Variants in IFNLR1 observed in about 807,000 individuals in gnomAD.
IFNLR1 encodes the protein interferon lambda receptor 1, also known as CRF2-12.
IFNLR1 carries 28 observed loss-of-function variants against 52.5 expected under a neutral mutation model. The observed-to-expected ratio is 0.53, with a 90% CI of 0.40 to 0.73. IFNLR1 has a LOEUF of 0.73. IFNLR1 is among the 30% of genes least tolerant of loss of function. The pLI, the probability that IFNLR1 is intolerant of heterozygous loss-of-function variation, is 0.00. For missense variants in IFNLR1, 623 were observed against 659.1 expected (o/e 0.95, Z 0.60); for synonymous variants, 276 against 274.9 (o/e 1.00, Z -0.04).
Position 24,155,085 on chromosome 1 carries a change from G to GC in IFNLR1, c.*2044dup, listed in dbSNP as rs1644365557. 1.3e-5 allele frequency: 2 copies of GC among 152,272 alleles called. No homozygotes were observed. The highest frequency in any genetic ancestry group is 4.2e-4 in the South Asian group (2 of 4,814). 9.4% of individuals were successfully genotyped at this position (152,272 alleles called of 1,614,324 possible). A position where few individuals can be genotyped will look rare whatever the true frequency, so the allele number is the denominator to read the frequency against. ...GGTCTGGGAATTTCCCTGGGAGCTG[G>GC]CCCCAAGCCACAGCCCTCCCCAGCT... On this transcript the variant is annotated 3_prime_UTR_variant, in exon 7 of 7. Transcript: ENST00000327535.
At chr1:24,164,845 C>T (rs1312222670) in intron 3 of IFNLR1, among the ~76,000 whole-genome samples, 1 of 151,752 alleles carries the variant, frequency 6.6e-6, no homozygotes, top group Non-Finnish European at 1.5e-5. Flanking sequence ...TCACTGCAAC[C>T]TCCGCCTCTT....
At chr1:24,173,629 T>C (rs1024663991) in intron 2 of IFNLR1, among the ~76,000 whole-genome samples, 1 of 139,394 alleles carries the variant, frequency 7.2e-6, no homozygotes, top group Non-Finnish European at 1.5e-5. Context: ...CCTCCCTCTC[T>C]TTCTTCTTTC....
chr1:24,157,133 C>T lies in IFNLR1; in HGVS notation c.1560G>A (p.Arg520=), dbSNP rs2148583771. ...RGRTLGHYMA[R] Reference sequence around the variant, plus strand: ...CGGTGGGATGTCGGGGGACAGCTCACCTGGCCATGTAATGCCCCAATGTCC... The same window carrying T: ...CGGTGGGATGTCGGGGGACAGCTCATCTGGCCATGTAATGCCCCAATGTCC... The change falls in exon 7 of 7, where the codon AGG becomes AGA. Residue 520 remains arginine, a synonymous_variant. Coordinates refer to ENST00000327535, the MANE Select transcript of IFNLR1 (RefSeq NM_170743.4). The surrounding 1 kb of genome is among the most constrained non-coding windows in gnomAD (Gnocchi z 5.1). The T allele has an allele frequency of 1.2e-6, 2 of 1,606,612 alleles. No homozygotes were observed. The highest frequency in any genetic ancestry group is 1.1e-5 in the South Asian group (1 of 89,720).
At position 24,187,222 on chromosome 1, in the gene IFNLR1, G is replaced by C; in HGVS notation, c.27C>G (p.Pro9=). ...CGGCCTGCAGCAGGCACAGGAGCAG[G>C]GGGCCCCAGCGCTCGGGCCCCGCCA... The part of the protein sequence containing the change: MAGPERWG[P]LLLCLLQAAP... Residue 9 remains proline, a synonymous_variant, in exon 1 of 7, where the codon CCC becomes CCG. Transcript: ENST00000327535. 2 of 1,295,564 alleles carry C rather than the reference G, an allele frequency of 1.5e-6. No homozygotes were observed. Among genetic ancestry groups the C allele is most frequent in the Non-Finnish European group, 2.0e-6 (2 of 1,021,456 alleles). The allele number at this position is 1,295,564 out of a possible 1,614,324, so 80.3% of individuals were successfully genotyped here.
intron 1 of IFNLR1, among the ~76,000 whole-genome samples, chr1:24,183,078 GT>G (rs1644707627): frequency 6.6e-6 from 1 of 152,132 alleles, no homozygotes; most frequent in South Asian, 2.1e-4. Context: ...TAGAGTATGT[GT>G]TATTTTGTTT....
In IFNLR1 at chr1:24,161,447, A is replaced by C. The variant is rs762410695; in HGVS notation, c.510+95T>G. On this transcript the variant is annotated intron_variant, in intron 4 of 6. Transcript: ENST00000327535. The stretch of plus-strand genomic sequence containing the variant: ...GTGTACAGGGAAGACTTCCTGGAGG[A>C]GGGGTGCAGGAGCAGGCTGGGAGGG... 1.7e-5 allele frequency: 24 copies of C among 1,384,246 alleles called. No individual in the cohort carries two copies. The African/African-American group carries it at 3.4e-4, about 20-fold the overall frequency. The allele number at this position is 1,384,246 out of a possible 1,614,324, so 85.7% of individuals were successfully genotyped here.
At chr1:24,158,605 C>G (rs1644406981) in intron 6 of IFNLR1, among the ~76,000 whole-genome samples, 1 of 152,196 alleles carries the variant, frequency 6.6e-6, no homozygotes, top group Non-Finnish European at 1.5e-5. Context: ...CCAGCTCGCC[C>G]CTAGGTTCTA....
rs764742091 is a variant in IFNLR1 at position 24,157,158 on chromosome 1, C to T, written c.1535G>A (p.Arg512Gln). The change falls in exon 7 of 7, where the codon CGG becomes CAG. Residue 512 changes from arginine (R) to glutamine (Q), a missense_variant. By Grantham distance (43) the Arg-to-Gln change is conservative (BLOSUM62 1). Coordinates refer to ENST00000327535, the MANE Select transcript of IFNLR1 (RefSeq NM_170743.4). The surrounding 1 kb of genome is among the most constrained non-coding windows in gnomAD (Gnocchi z 5.1). ...CCTGGCCATGTAATGCCCCAATGTC[C>T]GGCCCCTGTCCTCGGTCCTCTGGGT... ...ESTQRTEDRG[R>Q]TLGHYMAR The T allele has an allele frequency of 3.5e-5, 56 of 1,613,046 alleles. No individual in the cohort carries two copies. The Admixed American group carries it at 4.3e-4, about 12-fold the overall frequency.
Position 24,169,408 on chromosome 1 carries a change from C to T in IFNLR1, c.367+9G>A. The T allele has an allele frequency of 6.2e-7, 1 of 1,611,912 alleles. No individual in the cohort carries two copies. Among genetic ancestry groups the T allele is most frequent in the Non-Finnish European group, 8.5e-7 (1 of 1,178,624 alleles). On this transcript the variant is annotated intron_variant, in intron 3 of 6. Coordinates refer to ENST00000327535, the MANE Select transcript of IFNLR1 (RefSeq NM_170743.4). ...AGCCTTCCACTCAGTCCCTTACCCA[C>T]AGACCTACCTTCAAAAAGGTAATCC... is the stretch of plus-strand genomic sequence containing the variant.
chr1:24,183,449 A>T (rs1014248581), intron 1 of IFNLR1, among the ~76,000 whole-genome samples: 11 of 152,270 alleles, frequency 7.2e-5, no homozygotes, highest in South Asian at 2.1e-4. Flanking sequence ...TAAATTTTTT[A>T]AAAAATTAGC....
intron 1 of IFNLR1, among the ~76,000 whole-genome samples, chr1:24,185,323 T>C (rs1477980733): frequency 6.6e-6 from 1 of 152,198 alleles, no homozygotes; most frequent in Non-Finnish European, 1.5e-5. Flanking sequence ...TTCCAACTAT[T>C]CCATCTATTG....
chr1:24,164,129 T>G (rs759719990), intron 3 of IFNLR1, among the ~76,000 whole-genome samples: 42 of 152,192 alleles, frequency 2.8e-4, no homozygotes, highest in Non-Finnish European at 5.1e-4. Flanking sequence ...GCAGACAATC[T>G]GGCTCAAGCA....
chr1:24,162,706 C>CT (rs1228712009), intron 3 of IFNLR1, among the ~76,000 whole-genome samples: 1 of 21,784 alleles, frequency 4.6e-5, no homozygotes, highest in African/African-American at 1.9e-4. Context: ...CTTTTCTTTT[C>CT]TTTTCTTTCT....
chr1:24,187,060 A>C (rs1159467959), intron 1 of IFNLR1, 131 bp downstream of exon 1: 3 of 486,052 alleles, frequency 6.2e-6, no homozygotes, highest in Non-Finnish European at 1.0e-5. Flanking sequence ...GCGCGTAGGC[A>C]GGGCCGATTC....
At chr1:24,159,726 G>GTTTTGTT (rs1553161946) in intron 4 of IFNLR1, 93 bp from the exon 5 acceptor site, 1 of 761,910 alleles carries the variant, frequency 1.3e-6, no homozygotes, top group African/African-American at 1.9e-5. Context: ...ATGGTAGGGT[G>GTTTTGTT]TTTTTTTTTT....
At chr1:24,159,726 G>GTTTTGTTTTTTTCGTTT in intron 4 of IFNLR1, 93 bp from the exon 5 acceptor site, 1 of 761,910 alleles carries the variant, frequency 1.3e-6, no homozygotes, top group South Asian at 2.1e-5. Context: ...ATGGTAGGGT[G>GTTTTGTTTTTTTCGTTT]TTTTTTTTTT....
At chr1:24,179,667 C>T (rs1294132276) in intron 2 of IFNLR1, among the ~76,000 whole-genome samples, 1 of 152,188 alleles carries the variant, frequency 6.6e-6, no homozygotes. Context: ...CCTCTGAGCT[C>T]AATCCCCTCA....
intron 4 of IFNLR1, among the ~76,000 whole-genome samples, chr1:24,160,664 A>C (rs1644432513): frequency 6.6e-6 from 1 of 152,214 alleles, no homozygotes; most frequent in South Asian, 2.1e-4. Flanking sequence ...TAGTGGAAGC[A>C]AGAACATTCA....
Position 24,180,776 on chromosome 1 carries a change from C to G in IFNLR1, c.137G>C (p.Gly46Ala), listed in dbSNP as rs772132640. The stretch of plus-strand genomic sequence containing the variant: ...GGTCACATCCTGGGGGTTGCCAAGC[C>G]CTGGGAGCCATGTCAGGTACACGCT... Reference protein sequence around the residue: ...NFSVYLTWLPGLGNPQDVTYF... With the variant: ...NFSVYLTWLPALGNPQDVTYF... The change falls in exon 2 of 7, where the codon GGG (glycine) becomes GCG (alanine). Residue 46 changes from glycine to alanine, a missense_variant. By Grantham distance (60) the Gly-to-Ala change is moderately conservative. Transcript: ENST00000327535. The G allele has an allele frequency of 9.9e-6, 16 of 1,613,772 alleles. No individual in the cohort carries two copies. The highest frequency in any genetic ancestry group is 1.7e-5 in the Admixed American group (1 of 59,942).
Sources: gnomAD v4.1 joint callset for allele counts (sites outside exome capture counted in the v4.1 genomes callset) on GRCh38, gnomAD v4.1.1 for gene constraint, Gnocchi (gnomAD v3.1) non-coding constraint, MANE v1.5 for transcripts, NCBI Gene and HGNC (gene_info 2026-07-23, HGNC 2026-07-21) for gene names.